NRCAM: variants seen among roughly 807,000 people sequenced by gnomAD.
NRCAM encodes neuronal cell adhesion molecule.
In NRCAM, 83 loss-of-function variants were observed where a neutral mutation model predicts 156.5. The ratio of observed to expected loss-of-function variants is 0.53; its 90% CI spans 0.44 to 0.64. NRCAM has a LOEUF of 0.64. Ranked by LOEUF, NRCAM falls within the 30% of genes least tolerant of loss-of-function variation. The pLI, the probability that NRCAM is intolerant of heterozygous loss-of-function variation, is 0.00. For synonymous variants in NRCAM, 538 were observed against 563.9 expected (o/e 0.95, Z 0.65); for missense variants, 1,417 against 1,597.3 (o/e 0.89, Z 1.92).
chr7:108,228,268 G>A (rs1019093288), intron 8 of NRCAM, among the ~76,000 whole-genome samples: 5 of 152,058 alleles, frequency 3.3e-5, no homozygotes, highest in African/African-American at 4.8e-5. Context: ...GCTGCAGTGA[G>A]CTGAGATTGT....
chr7:108,192,022 A>C (rs1321271327), intron 17 of NRCAM, among the ~76,000 whole-genome samples, 169 bp from the exon 18 acceptor site: 1 of 152,250 alleles, frequency 6.6e-6, no homozygotes, highest in Non-Finnish European at 1.5e-5. Flanking sequence ...AAGTTGAAAA[A>C]CAATGAGAAT....
chr7:108,398,210 T>A (rs2099782365), intron 2 of NRCAM, among the ~76,000 whole-genome samples: 1 of 152,102 alleles, frequency 6.6e-6, no homozygotes, highest in Non-Finnish European at 1.5e-5. Flanking sequence ...TCTGCTTCTC[T>A]CCTAAATTCC....
chr7:108,237,868 C>A, intron 4 of NRCAM, 99 bp from the exon 5 acceptor site: 1 of 819,172 alleles, frequency 1.2e-6, no homozygotes, highest in East Asian at 3.0e-5. Flanking sequence ...ATAAAGGGGG[C>A]ATCTTGTCTA....
chr7:108,301,739 T>TA (rs2098620513), intron 3 of NRCAM, among the ~76,000 whole-genome samples: 1 of 152,138 alleles, frequency 6.6e-6, no homozygotes, highest in Admixed American at 6.5e-5. Flanking sequence ...GGGTTTTGAT[T>TA]AAAAAATATC....
intron 2 of NRCAM, among the ~76,000 whole-genome samples, chr7:108,380,968 G>T (rs1001942164): frequency 6.6e-6 from 1 of 152,134 alleles, no homozygotes; most frequent in Non-Finnish European, 1.5e-5. Context: ...TTCTCAGGAG[G>T]CAAAGGCAGA....
intron 2 of NRCAM, chr7:108,328,677 A>G (rs908803967): frequency 2.0e-5 from 3 of 152,208 alleles, no homozygotes; most frequent in East Asian, 1.9e-4. Context: ...ATTTCTTCGT[A>G]TCCATTTAGA....
intron 2 of NRCAM, among the ~76,000 whole-genome samples, chr7:108,337,929 A>G (rs916419711): frequency 2.0e-5 from 3 of 152,204 alleles, no homozygotes; most frequent in African/African-American, 7.2e-5. Context: ...GAATTGGAGG[A>G]AAATACCGGA....
At chr7:108,445,408 G>A (rs1843117693) in intron 1 of NRCAM, among the ~76,000 whole-genome samples, 2 of 152,164 alleles carry the variant, frequency 1.3e-5, no homozygotes, top group African/African-American at 2.4e-5. Flanking sequence ...AGGCTGCAGT[G>A]CAAGACCACT....
intron 1 of NRCAM, among the ~76,000 whole-genome samples, chr7:108,400,583 T>C (rs555624478): frequency 6.6e-6 from 1 of 152,324 alleles, no homozygotes; most frequent in African/African-American, 2.4e-5. Context: ...AGATATTCTT[T>C]GATGACCCCT....
intron 1 of NRCAM, among the ~76,000 whole-genome samples, chr7:108,405,313 G>A (rs986243662): frequency 6.6e-6 from 1 of 152,224 alleles, no homozygotes; most frequent in Non-Finnish European, 1.5e-5. Flanking sequence ...ACGCCTCAGT[G>A]CGGCTTCTTT....
At chr7:108,444,727 T>G (rs1598340418) in intron 1 of NRCAM, among the ~76,000 whole-genome samples, 1 of 152,186 alleles carries the variant, frequency 6.6e-6, no homozygotes, top group Admixed American at 6.5e-5. Flanking sequence ...ATATATGGAT[T>G]GGGGCCTAAC....
intron 3 of NRCAM, among the ~76,000 whole-genome samples, chr7:108,285,880 C>T (rs974956233): frequency 6.6e-6 from 1 of 152,232 alleles, no homozygotes; most frequent in African/African-American, 2.4e-5. Context: ...CCTGCTACTA[C>T]AGCTTCTACC....
intron 7 of NRCAM, 121 bp from the exon 8 acceptor site, chr7:108,231,274 T>A: frequency 1.6e-6 from 1 of 640,338 alleles, no homozygotes; most frequent in Non-Finnish European, 2.5e-6. Context: ...GTACACTAAA[T>A]TAATGAGAAA....
intron 2 of NRCAM, among the ~76,000 whole-genome samples, chr7:108,385,838 T>A (rs1402548261): frequency 6.6e-6 from 1 of 151,920 alleles, no homozygotes; most frequent in Non-Finnish European, 1.5e-5. Flanking sequence ...TTACAATTTA[T>A]GTTTACAGCA....
chr7:108,298,276 A>C (rs991750447), intron 3 of NRCAM, among the ~76,000 whole-genome samples: 1 of 152,094 alleles, frequency 6.6e-6, no homozygotes, highest in African/African-American at 2.4e-5. Context: ...GGGATATATG[A>C]GGAGATAGTT....
intron 2 of NRCAM, among the ~76,000 whole-genome samples, chr7:108,344,847 A>G (rs999886079): frequency 2.0e-4 from 31 of 152,230 alleles, no homozygotes; most frequent in African/African-American, 7.5e-4. Context: ...AGTATGGGCA[A>G]TAATGTCCTA....
intron 31 of NRCAM, 121 bp downstream of exon 31, chr7:108,160,240 G>A (rs1315999820): frequency 3.2e-6 from 3 of 938,300 alleles, no homozygotes; most frequent in Non-Finnish European, 3.2e-6. Flanking sequence ...TGAAGAGAAA[G>A]TCCAAACTCA....
rs564766637 is a variant in NRCAM at position 108,156,284 on chromosome 7, T to A, written c.3677+3179A>T. ...GATTCATGTGGCAAGAGCCACCAAT[T>A]ATGTAGTAAGTTATGAGTTCAAGTA... On this transcript the variant is annotated intron_variant, in intron 32 of 32. Transcript: ENST00000379028. 55 of 985,144 alleles carry A rather than the reference T, an allele frequency of 5.6e-5. No individual in the cohort carries two copies. In the African/African-American group the frequency reaches 8.9e-4, roughly 16 times the overall value. The allele number at this position is 985,144 out of a possible 1,614,324, so 61.0% of individuals were successfully genotyped here.
intron 2 of NRCAM, among the ~76,000 whole-genome samples, chr7:108,354,384 G>C (rs2099462991): frequency 6.6e-6 from 1 of 152,026 alleles, no homozygotes; most frequent in Non-Finnish European, 1.5e-5. Context: ...TTAAAATCAA[G>C]AACAGGAAAA....
Sources: allele counts gnomAD v4.1 joint callset (sites outside exome capture counted in the v4.1 genomes callset), GRCh38; gene constraint gnomAD v4.1.1; transcripts MANE v1.5; gene names NCBI Gene and HGNC (gene_info 2026-07-23, HGNC 2026-07-21).